STK33: variants seen among roughly 807,000 people sequenced by gnomAD.
STK33 encodes serine/threonine-protein kinase 33.
STK33 carries 52 observed loss-of-function variants against 58.0 expected under a neutral mutation model. That is an observed-to-expected ratio of 0.90 (90% CI 0.72 to 1.13). The LOEUF is 1.13. Ranked by LOEUF, STK33 falls within the 50% of genes most tolerant of loss-of-function variation. The pLI is 0.00. For missense variants in STK33, 630 were observed against 604.2 expected, an observed-to-expected ratio of 1.04 and a Z score of -0.45; for synonymous variants, 215 against 200.1, an observed-to-expected ratio of 1.07 and a Z score of -0.63.
intron 11 of STK33, 57 bp downstream of exon 11, chr11:8,452,765 G>T (rs1194238901): frequency 6.7e-6 from 10 of 1,496,422 alleles, no homozygotes; most frequent in Non-Finnish European, 9.3e-6. Context: ...TCCAGCCTGG[G>T]CAACAGAGGA....
intron 14 of STK33, among the ~76,000 whole-genome samples, chr11:8,431,329 T>A (rs898785434): frequency 1.3e-5 from 2 of 152,140 alleles, no homozygotes; most frequent in Admixed American, 1.3e-4. Flanking sequence ...AGCCAACAGT[T>A]AGGTATCAGA....
At chr11:8,530,201 G>C (rs146501610) in intron 1 of STK33, among the ~76,000 whole-genome samples, 1 of 152,170 alleles carries the variant, frequency 6.6e-6, no homozygotes, top group Non-Finnish European at 1.5e-5. Flanking sequence ...ATAATAGTCT[G>C]AGGCAAAAAT....
intron 15 of STK33, among the ~76,000 whole-genome samples, chr11:8,397,588 A>C (rs1413739852): frequency 6.6e-6 from 1 of 152,240 alleles, no homozygotes; most frequent in East Asian, 1.9e-4. Flanking sequence ...GCTTCTCACC[A>C]GCAGCAGAAC....
chr11:8,406,654 C>T (rs528226652), intron 15 of STK33, among the ~76,000 whole-genome samples: 6 of 151,934 alleles, frequency 3.9e-5, no homozygotes, highest in Non-Finnish European at 7.4e-5. Context: ...ATTTTATTTC[C>T]CAATTGTTCA....
At chr11:8,460,207 C>T (rs946888149) in intron 8 of STK33, among the ~76,000 whole-genome samples, 1 of 151,894 alleles carries the variant, frequency 6.6e-6, no homozygotes, top group African/African-American at 2.4e-5. Flanking sequence ...AATTAACAGG[C>T]ATATAAAGCA....
At chr11:8,485,356 C>T (rs578054925) in intron 1 of STK33, among the ~76,000 whole-genome samples, 1 of 152,126 alleles carries the variant, frequency 6.6e-6, no homozygotes, top group African/African-American at 2.4e-5. Context: ...ATTCAAAGAA[C>T]GTTGTTTCAA....
At chr11:8,473,048 C>T in intron 6 of STK33, 115 bp downstream of exon 6, 1 of 624,092 alleles carries the variant, frequency 1.6e-6, no homozygotes, top group Non-Finnish European at 2.8e-6. Flanking sequence ...TGGTACATTT[C>T]CTCTTTTCTT....
chr11:8,486,253 C>T (rs1354387971), intron 1 of STK33, among the ~76,000 whole-genome samples: 1 of 152,236 alleles, frequency 6.6e-6, no homozygotes, highest in Non-Finnish European at 1.5e-5. Context: ...GATCCCTTAA[C>T]ATGACATACA....
intron 1 of STK33, among the ~76,000 whole-genome samples, chr11:8,548,503 T>C (rs1022655621): frequency 6.6e-6 from 1 of 152,242 alleles, no homozygotes; most frequent in African/African-American, 2.4e-5. Flanking sequence ...CTGTTCTGGT[T>C]ATTATGACTT....
intron 1 of STK33, among the ~76,000 whole-genome samples, chr11:8,548,025 G>C (rs543067539): frequency 6.9e-6 from 1 of 145,204 alleles, no homozygotes; most frequent in Admixed American, 6.9e-5. Flanking sequence ...GGTGGAGGGA[G>C]GGGGGAGGGA....
intron 15 of STK33, among the ~76,000 whole-genome samples, chr11:8,402,384 G>A (rs10840036): frequency 0.61 from 92,140 of 151,742 alleles, 28,900 homozygotes; most frequent in African/African-American, 0.75. Context: ...CAAACACCAC[G>A]TGTTCTCACT....
At chr11:8,451,048 C>T (rs1381059950) in intron 11 of STK33, among the ~76,000 whole-genome samples, 3 of 152,068 alleles carry the variant, frequency 2.0e-5, no homozygotes, top group African/African-American at 7.2e-5. Context: ...GTCCTAAGGA[C>T]TAGAACTGTA....
At chr11:8,435,836 T>C (rs1482065149) in intron 13 of STK33, among the ~76,000 whole-genome samples, 191 bp downstream of exon 13, 2 of 152,242 alleles carry the variant, frequency 1.3e-5, no homozygotes, top group Non-Finnish European at 2.9e-5. Flanking sequence ...TTTTACTATG[T>C]ATTTTCCGTT....
intron 1 of STK33, among the ~76,000 whole-genome samples, chr11:8,515,147 T>C (rs1162871961): frequency 2.6e-5 from 4 of 151,424 alleles, no homozygotes; most frequent in Non-Finnish European, 2.9e-5. Context: ...AAGAGACATA[T>C]GGAATAAACA....
intron 6 of STK33, among the ~76,000 whole-genome samples, chr11:8,467,970 T>C (rs775316601): frequency 7.2e-5 from 11 of 152,038 alleles, no homozygotes; most frequent in Non-Finnish European, 1.0e-4. Context: ...ACTTCTACAT[T>C]TGTGGGCATC....
At chr11:8,541,044 T>C (rs1255270174) in intron 1 of STK33, among the ~76,000 whole-genome samples, 3 of 151,554 alleles carry the variant, frequency 2.0e-5, no homozygotes, top group African/African-American at 7.3e-5. Flanking sequence ...ACCTCAAATA[T>C]ACATAACACA....
Position 8,436,020 on chromosome 11 carries a change from T to C in STK33, c.1060+7A>G, listed in dbSNP as rs1944019649. On this transcript the variant is annotated splice_region_variant and intron_variant, in intron 13 of 15. Transcript: ENST00000687296. ...GCTTTAGTAAATAATAACGCATCTA[T>C]ACTTACCACAGTCACTTATGGAATT... 1 of 1,538,582 alleles carries C rather than the reference T, an allele frequency of 6.5e-7. No homozygotes were observed. The highest frequency in any genetic ancestry group is 1.4e-5 in the African/African-American group (1 of 72,454).
chr11:8,384,301 G>C, the STK33 span, among the ~76,000 whole-genome samples: 1 of 152,212 alleles, frequency 6.6e-6, no homozygotes, highest in African/African-American at 2.4e-5. Context: ...TGAGCCCTCT[G>C]TCACGTCCGG....
chr11:8,556,348 T>C (rs981036687), intron 1 of STK33, among the ~76,000 whole-genome samples: 1 of 152,204 alleles, frequency 6.6e-6, no homozygotes, highest in Non-Finnish European at 1.5e-5. Context: ...GTGAGTATAA[T>C]GTAAGCCTGC....
Sources: allele counts gnomAD v4.1 joint callset (sites outside exome capture counted in the v4.1 genomes callset), GRCh38; gene constraint gnomAD v4.1.1; transcripts MANE v1.5; gene names NCBI Gene and HGNC (gene_info 2026-07-23, HGNC 2026-07-21).